CTNND2: variants seen among roughly 807,000 people sequenced by gnomAD.
The protein encoded by CTNND2 is catenin delta-2.
CTNND2 carries 22 observed loss-of-function variants against 144.4 expected under a neutral mutation model. The ratio of observed to expected loss-of-function variants is 0.15; its 90% CI spans 0.11 to 0.22. CTNND2 has a LOEUF of 0.22. CTNND2 is among the 10% of genes least tolerant of loss of function. CTNND2 has a pLI of 1.00. For missense variants in CTNND2, 1,353 were observed against 1,618.8 expected (o/e 0.84, Z 2.82); for synonymous variants, 751 against 695.6 (o/e 1.08, Z -1.25).
At chr5:11,853,855 C>T (rs1254767070) in intron 1 of CTNND2, among the ~76,000 whole-genome samples, 1 of 152,184 alleles carries the variant, frequency 6.6e-6, no homozygotes, top group Non-Finnish European at 1.5e-5. Context: ...TTGTTCTCTC[C>T]TCCTCGTCTG....
chr5:11,321,368 C>A (rs1752015148), intron 9 of CTNND2, among the ~76,000 whole-genome samples: 1 of 152,156 alleles, frequency 6.6e-6, no homozygotes, highest in Admixed American at 6.5e-5. Context: ...GCTCTGGGAT[C>A]ACCTCCATGA....
chr5:11,781,460 G>A (rs1475014429), intron 1 of CTNND2, among the ~76,000 whole-genome samples: 2 of 152,118 alleles, frequency 1.3e-5, no homozygotes, highest in Non-Finnish European at 1.5e-5. Flanking sequence ...AAATGTTGGG[G>A]ATTCCTTTCC....
chr5:11,480,267 TC>T (rs752018079), intron 3 of CTNND2, among the ~76,000 whole-genome samples: 103 of 152,074 alleles, frequency 6.8e-4, no homozygotes, highest in Middle Eastern at 3.4e-3. Context: ...GAACAAGGAG[TC>T]CCTTACCCAA....
At chr5:11,029,929 T>G (rs1743264035) in intron 16 of CTNND2, among the ~76,000 whole-genome samples, 1 of 152,192 alleles carries the variant, frequency 6.6e-6, no homozygotes. Flanking sequence ...CCTTTAGGAT[T>G]TCTTACAGAG....
At chr5:11,116,299 G>A (rs968636013) in intron 13 of CTNND2, among the ~76,000 whole-genome samples, 2 of 152,190 alleles carry the variant, frequency 1.3e-5, no homozygotes, top group African/African-American at 4.8e-5. Context: ...TTGTTACTGG[G>A]GTGGGGATGG....
At chr5:11,164,092 C>T (rs1485108943) in intron 11 of CTNND2, among the ~76,000 whole-genome samples, 1 of 152,118 alleles carries the variant, frequency 6.6e-6, no homozygotes, top group African/African-American at 2.4e-5. Context: ...GATCTTACAT[C>T]CCTCTGATTT....
chr5:11,508,284 T>G (rs899657994), intron 3 of CTNND2: 1 of 152,200 alleles, frequency 6.6e-6, no homozygotes, highest in Admixed American at 6.5e-5. Flanking sequence ...TTCAACACAC[T>G]GCATTTGAAG....
At chr5:11,319,259 C>T (rs1167812196) in intron 9 of CTNND2, among the ~76,000 whole-genome samples, 3 of 152,068 alleles carry the variant, frequency 2.0e-5, no homozygotes, top group Non-Finnish European at 4.4e-5. Context: ...AGAAACTGTG[C>T]CTGTTTTCCA....
At chr5:11,825,818 T>C (rs529068409) in intron 1 of CTNND2, among the ~76,000 whole-genome samples, 1 of 151,996 alleles carries the variant, frequency 6.6e-6, no homozygotes, top group South Asian at 2.1e-4. Flanking sequence ...GAAAGGCAAA[T>C]AACAACGATG....
At chr5:11,224,014 A>C (rs1212785906) in intron 10 of CTNND2, among the ~76,000 whole-genome samples, 3 of 152,092 alleles carry the variant, frequency 2.0e-5, no homozygotes, top group African/African-American at 7.2e-5. Context: ...TAAAAACACG[A>C]CTGAATCACC....
chr5:11,383,460 T>C (rs1286587352), intron 7 of CTNND2, among the ~76,000 whole-genome samples: 1 of 152,168 alleles, frequency 6.6e-6, no homozygotes, highest in African/African-American at 2.4e-5. Flanking sequence ...GCACTAATAA[T>C]TGTCTACCTC....
intron 2 of CTNND2, among the ~76,000 whole-genome samples, chr5:11,659,581 C>A (rs569409154): frequency 3.3e-5 from 5 of 152,194 alleles, no homozygotes; most frequent in Admixed American, 3.3e-4. Flanking sequence ...AACAAGGAAA[C>A]ATGGAACAAG....
At chr5:11,579,698 T>C (rs1428721692) in intron 2 of CTNND2, among the ~76,000 whole-genome samples, 3 of 152,186 alleles carry the variant, frequency 2.0e-5, no homozygotes, top group Admixed American at 6.5e-5. Flanking sequence ...AGTACATGAA[T>C]TCATGTACAA....
chr5:11,817,981 GTTTTTTTT>G (rs35360011), intron 1 of CTNND2, among the ~76,000 whole-genome samples: 1 of 31,870 alleles, frequency 3.1e-5, no homozygotes, highest in Admixed American at 3.7e-4. Flanking sequence ...ATTATGAGGT[GTTTTTTTT>G]TTTTTTTTTT....
chr5:11,549,437 G>T (rs763876223), intron 3 of CTNND2, among the ~76,000 whole-genome samples: 1 of 152,122 alleles, frequency 6.6e-6, no homozygotes, highest in Non-Finnish European at 1.5e-5. Flanking sequence ...GTCCTTGATT[G>T]GCTGACCCCA....
At chr5:11,203,483 C>G (rs549942443) in intron 10 of CTNND2, among the ~76,000 whole-genome samples, 71 of 152,286 alleles carry the variant, frequency 4.7e-4, no homozygotes, top group African/African-American at 1.6e-3. Context: ...CGCTCTGTCA[C>G]CCAGGCTGGA....
At chr5:11,872,684 T>C (rs1280045944) in intron 1 of CTNND2, among the ~76,000 whole-genome samples, 1 of 151,436 alleles carries the variant, frequency 6.6e-6, no homozygotes, top group Non-Finnish European at 1.5e-5. Flanking sequence ...TGTCTTCTTT[T>C]GAGAAGTGTC....
chr5:11,612,288 C>CT (rs1237652837), intron 2 of CTNND2, among the ~76,000 whole-genome samples: 2 of 152,156 alleles, frequency 1.3e-5, no homozygotes, highest in Non-Finnish European at 2.9e-5. Context: ...ATCAGTAAGT[C>CT]ATTACTCATG....
intron 9 of CTNND2, among the ~76,000 whole-genome samples, chr5:11,307,732 C>A (rs1449915609): frequency 6.6e-6 from 1 of 152,092 alleles, no homozygotes; most frequent in Non-Finnish European, 1.5e-5. Context: ...CTTTTAAGGG[C>A]AAACATGCAT....
Sources: allele counts gnomAD v4.1 joint callset (sites outside exome capture counted in the v4.1 genomes callset), GRCh38; gene constraint gnomAD v4.1.1; transcripts MANE v1.5; gene names NCBI Gene and HGNC (gene_info 2026-07-23, HGNC 2026-07-21).